Variants in FARP1 observed in about 807,000 individuals in gnomAD.
FARP1 encodes the protein FERM, ARH/RhoGEF and pleckstrin domain protein 1, also known as FERM, ARHGEF and pleckstrin domain-containing protein 1.
Under a neutral mutation model 128.8 loss-of-function variants are expected in FARP1, and 52 were observed. The observed-to-expected ratio is 0.40, with a 90% CI of 0.32 to 0.51. FARP1 has a LOEUF of 0.51. FARP1 is among the 20% of genes least tolerant of loss of function. The probability of loss-of-function intolerance (pLI) is 0.45; values close to 1 mark genes in which losing one functional copy is unlikely to be tolerated. For missense variants in FARP1, 1,333 were observed against 1,367.9 expected, an observed-to-expected ratio of 0.97 and a Z score of 0.40; for synonymous variants, 580 against 551.8, an observed-to-expected ratio of 1.05 and a Z score of -0.72.
Position 98,454,972 on chromosome 13 carries a change from T to TAC in FARP1, c.*6657_*6658dup, listed in dbSNP as rs569240846. The TAC allele has an allele frequency of 1.1e-4, 16 of 152,294 alleles. No homozygotes were observed. The East Asian group carries it at 3.1e-3, about 29-fold the overall frequency. The allele number at this position is 152,294 out of a possible 1,614,324, so 9.4% of individuals were successfully genotyped here. ...AAACACAACACAGACATCAGGTAGC[T>TAC]ACAGACCCGCCCGAGGGTAAATAGG... On this transcript the variant is annotated 3_prime_UTR_variant, in exon 27 of 27. Coordinates refer to ENST00000319562, the MANE Select transcript of FARP1 (RefSeq NM_005766.4).
intron 1 of FARP1, among the ~76,000 whole-genome samples, chr13:98,159,026 T>C (rs1330711627): frequency 2.6e-5 from 4 of 152,138 alleles, no homozygotes; most frequent in Non-Finnish European, 5.9e-5. Context: ...AAGTCTATCT[T>C]CAAGGTAGAG....
chr13:98,390,403 G>C (rs1368857830), intron 10 of FARP1, among the ~76,000 whole-genome samples: 2 of 152,224 alleles, frequency 1.3e-5, no homozygotes, highest in Non-Finnish European at 2.9e-5. Context: ...ATTTGGTGTT[G>C]CTTCATAGAA....
intron 2 of FARP1, among the ~76,000 whole-genome samples, chr13:98,220,071 A>G (rs1881326854): frequency 6.6e-6 from 1 of 151,416 alleles, no homozygotes; most frequent in Non-Finnish European, 1.5e-5. Flanking sequence ...TTCTCCCCGC[A>G]AAGAGGTGAA....
At chr13:98,378,584 G>A (rs1008656448) in intron 6 of FARP1, among the ~76,000 whole-genome samples, 1 of 152,054 alleles carries the variant, frequency 6.6e-6, no homozygotes, top group Non-Finnish European at 1.5e-5. Context: ...ATAAAGGAAA[G>A]TTGTGCTATC....
At chr13:98,165,237 AATT>A (rs1877163139) in intron 1 of FARP1, among the ~76,000 whole-genome samples, 1 of 149,574 alleles carries the variant, frequency 6.7e-6, no homozygotes, top group Admixed American at 6.7e-5. Flanking sequence ...AAAAAAAAAA[AATT>A]GTCCAAAGTG....
intron 16 of FARP1, among the ~76,000 whole-genome samples, chr13:98,422,373 C>A (rs182529541): frequency 3.9e-5 from 6 of 152,062 alleles, no homozygotes; most frequent in Non-Finnish European, 8.8e-5. Context: ...AGCAGAGGAG[C>A]GGTGCCAATT....
chr13:98,196,233 G>T (rs1184902834), intron 1 of FARP1, among the ~76,000 whole-genome samples: 1 of 152,168 alleles, frequency 6.6e-6, no homozygotes, highest in South Asian at 2.1e-4. Flanking sequence ...TCGCTGGATG[G>T]TAGAGAGGGT....
intron 4 of FARP1, among the ~76,000 whole-genome samples, chr13:98,367,886 G>A (rs1889166301): frequency 6.6e-6 from 1 of 152,130 alleles, no homozygotes; most frequent in African/African-American, 2.4e-5. Context: ...ATAGCTCTAT[G>A]TAGTACTTTT....
chr13:98,190,028 C>G (rs1052158503), intron 1 of FARP1, among the ~76,000 whole-genome samples: 2 of 152,102 alleles, frequency 1.3e-5, no homozygotes, highest in Non-Finnish European at 2.9e-5. Context: ...GTCTTCTGTT[C>G]TTGGCCAGTT....
intron 2 of FARP1, among the ~76,000 whole-genome samples, chr13:98,309,356 A>T (rs1412285191): frequency 1.3e-4 from 19 of 148,404 alleles, no homozygotes; most frequent in Non-Finnish European, 2.5e-4. Flanking sequence ...TTTTTAGTAG[A>T]GACGGGGTTT....
At chr13:98,416,047 T>A (rs541102213) in intron 16 of FARP1, among the ~76,000 whole-genome samples, 2 of 152,378 alleles carry the variant, frequency 1.3e-5, no homozygotes, top group East Asian at 1.9e-4. Flanking sequence ...GATCATTTTT[T>A]AAAAATTAAC....
chr13:98,187,120 A>G (rs962034117), intron 1 of FARP1, among the ~76,000 whole-genome samples: 3 of 150,812 alleles, frequency 2.0e-5, no homozygotes, highest in African/African-American at 7.3e-5. Flanking sequence ...TGGCAATTCT[A>G]TATTTAATTT....
intron 2 of FARP1, among the ~76,000 whole-genome samples, chr13:98,257,416 C>T (rs1197963729): frequency 3.3e-5 from 5 of 152,076 alleles, no homozygotes; most frequent in Admixed American, 6.5e-5. Context: ...ACCTTCTCCT[C>T]ATTCTGTACG....
intron 1 of FARP1, among the ~76,000 whole-genome samples, chr13:98,163,541 TG>T (rs968029890): frequency 5.1e-5 from 7 of 137,866 alleles, no homozygotes; most frequent in Admixed American, 7.3e-5. Context: ...TATTTGTTGG[TG>T]TTTTTTTTTT....
At chr13:98,430,955 G>A (rs1201719581) in intron 17 of FARP1, 88 bp from the exon 18 acceptor site, 6 of 754,712 alleles carry the variant, frequency 8.0e-6, no homozygotes, top group Admixed American at 2.2e-5. Context: ...GAGTGCAGGA[G>A]CGCTTCATTT....
At chr13:98,383,745 C>T (rs189927061) in intron 6 of FARP1, 5 of 152,266 alleles carry the variant, frequency 3.3e-5, no homozygotes, top group Admixed American at 1.3e-4. Flanking sequence ...GTTGTTAAGG[C>T]GCAAGTCTGA....
intron 1 of FARP1, among the ~76,000 whole-genome samples, chr13:98,158,069 G>A (rs1421693636): frequency 6.6e-6 from 1 of 152,184 alleles, no homozygotes; most frequent in Non-Finnish European, 1.5e-5. Flanking sequence ...TGACATATAT[G>A]CATTGAGAAA....
intron 2 of FARP1, among the ~76,000 whole-genome samples, chr13:98,281,883 C>T (rs1245084875): frequency 1.3e-5 from 2 of 152,150 alleles, no homozygotes; most frequent in African/African-American, 4.8e-5. Flanking sequence ...CATCTTACTG[C>T]CTCAACTTCT....
At position 98,309,089 on chromosome 13, in the gene FARP1, T is replaced by TAA; in HGVS notation, c.172-34671_172-34670dup. Among the ~76,000 whole-genome samples the TAA allele has an allele frequency of 4.0e-5, 6 of 151,492 alleles. No homozygotes were observed. In the East Asian group the frequency reaches 1.2e-3, roughly 29 times the overall value. Reference sequence around the variant, plus strand: ...TTTGAAATGGATCATTTTAATATGTTAAAGTGATAATATTTTGGACCTATT... The same window carrying TAA: ...TTTGAAATGGATCATTTTAATATGTTAAAAAGTGATAATATTTTGGACCTATT... On this transcript the variant is annotated intron_variant, in intron 2 of 26. Coordinates refer to ENST00000319562, the MANE Select transcript of FARP1 (RefSeq NM_005766.4).
Sources: gnomAD v4.1 joint callset for allele counts (sites outside exome capture counted in the v4.1 genomes callset) on GRCh38, gnomAD v4.1.1 for gene constraint, MANE v1.5 for transcripts, NCBI Gene and HGNC (gene_info 2026-07-23, HGNC 2026-07-21) for gene names.